Variants in FRMD5 observed in about 807,000 individuals in gnomAD.
FRMD5 encodes the protein FERM domain-containing protein 5.
Under a neutral mutation model 69.0 loss-of-function variants are expected in FRMD5, and 20 were observed. The ratio of observed to expected loss-of-function variants is 0.29; its 90% CI spans 0.20 to 0.42. The LOEUF is 0.42. FRMD5 is among the 10% of genes least tolerant of loss of function. The pLI is 1.00. For synonymous variants in FRMD5, 271 were observed against 260.1 expected (o/e 1.04, Z -0.40); for missense variants, 595 against 708.6 (o/e 0.84, Z 1.82).
chr15:44,075,810 A>T (rs1235535524), intron 1 of FRMD5, among the ~76,000 whole-genome samples: 1 of 152,222 alleles, frequency 6.6e-6, no homozygotes, highest in African/African-American at 2.4e-5. Flanking sequence ...AGTCCCGACA[A>T]GCAGAGGAAA....
intron 1 of FRMD5, among the ~76,000 whole-genome samples, chr15:44,024,671 T>TAAA: frequency 6.6e-6 from 1 of 152,250 alleles, no homozygotes; most frequent in East Asian, 1.9e-4. Context: ...TGTGGAATTT[T>TAAA]AAAAACATAT....
intron 1 of FRMD5, among the ~76,000 whole-genome samples, chr15:44,032,268 A>G (rs1023321613): frequency 6.6e-6 from 1 of 152,238 alleles, no homozygotes; most frequent in Non-Finnish European, 1.5e-5. Flanking sequence ...AACCTAGGCA[A>G]TACCATCCTG....
At chr15:43,994,109 T>C (rs1011690882) in intron 1 of FRMD5, among the ~76,000 whole-genome samples, 26 of 152,232 alleles carry the variant, frequency 1.7e-4, no homozygotes, top group African/African-American at 2.4e-4. Flanking sequence ...GGACTTACTA[T>C]TGCCATTTTG....
rs1274291221 is a variant in FRMD5 at position 43,950,399 on chromosome 15, C to T, written c.103-26090G>A. 1.3e-5 allele frequency among the ~76,000 whole-genome samples: 2 copies of T among 152,154 alleles called. 1 individual carries two copies. The highest frequency in any genetic ancestry group is 4.8e-5 in the African/African-American group (2 of 41,424). ...GGTTTCATGCTTTAAAACACGCATTCACATAGACAAACAGCCATGCTTAAA... is the reference window on the plus strand; with the variant it reads ...GGTTTCATGCTTTAAAACACGCATTTACATAGACAAACAGCCATGCTTAAA... On this transcript the variant is annotated intron_variant, in intron 1 of 13. Coordinates refer to ENST00000417257, the MANE Select transcript of FRMD5 (RefSeq NM_032892.5).
chr15:43,888,906 T>C, intron 8 of FRMD5, 34 bp from the exon 9 acceptor site: 1 of 1,591,208 alleles, frequency 6.3e-7, no homozygotes, highest in Non-Finnish European at 8.6e-7. Context: ...GTCACCTCAT[T>C]GTGGGCTGCT....
Position 43,875,362 on chromosome 15 carries a change from AAATAT to A in FRMD5, c.1136-905_1136-901del, listed in dbSNP as rs1339184552. On this transcript the variant is annotated intron_variant, in intron 13 of 13. Transcript: ENST00000417257. ...AAAGACTGTCTCAAAAAAAAAAAAA[AAATAT>A]ATATATATATATATATATATATATA... is the stretch of plus-strand genomic sequence containing the variant. 4.3e-3 allele frequency among the ~76,000 whole-genome samples: 454 copies of A among 106,504 alleles called. 6 individuals are homozygous for A. The highest frequency in any genetic ancestry group is 0.015 in the African/African-American group (429 of 29,150). The allele number at this position is 106,504 out of a possible 152,430, so 69.9% of individuals were successfully genotyped here.
rs1221751663 is a variant in FRMD5 at position 43,874,532 on chromosome 15, G to GTGTT, written c.1136-74_1136-71dup. The GTGTT allele has an allele frequency of 8.7e-6, 10 of 1,144,036 alleles. No individual in the cohort carries two copies. The East Asian group carries it at 1.9e-4, about 22-fold the overall frequency. The allele number at this position is 1,144,036 out of a possible 1,614,324, so 70.9% of individuals were successfully genotyped here. A position where few individuals can be genotyped will look rare whatever the true frequency, so the allele number is the denominator to read the frequency against. ...CCTTTGCTTTCCAGTAGCACCCATT[G>GTGTT]TGTTTTATTGGGTACCATTCTGCAC... On this transcript the variant is annotated intron_variant, in intron 13 of 13. Coordinates refer to ENST00000417257, the MANE Select transcript of FRMD5 (RefSeq NM_032892.5).
At chr15:43,884,188 G>C (rs1360142846) in intron 12 of FRMD5, among the ~76,000 whole-genome samples, 1 of 152,148 alleles carries the variant, frequency 6.6e-6, no homozygotes, top group Non-Finnish European at 1.5e-5. Flanking sequence ...TGATGACAGG[G>C]CTCCATGTGA....
chr15:43,876,099 C>T (rs2140334925), intron 13 of FRMD5: 1 of 1,380,564 alleles, frequency 7.2e-7, no homozygotes, highest in Non-Finnish European at 1.0e-6. Context: ...CATGATTTTG[C>T]CATGTTTTTC....
At chr15:43,983,470 G>A (rs1057481271) in intron 1 of FRMD5, among the ~76,000 whole-genome samples, 1 of 151,970 alleles carries the variant, frequency 6.6e-6, no homozygotes, top group Admixed American at 6.6e-5. Flanking sequence ...TCCTTGATCT[G>A]GTTTCCTCAG....
chr15:43,880,046 G>C (rs965490962), intron 13 of FRMD5, among the ~76,000 whole-genome samples: 1 of 152,210 alleles, frequency 6.6e-6, no homozygotes, highest in Non-Finnish European at 1.5e-5. Context: ...AGGGGGCAGA[G>C]AACAATCCCA....
chr15:43,924,383 T>A, intron 1 of FRMD5, 74 bp from the exon 2 acceptor site: 1 of 1,048,886 alleles, frequency 9.5e-7, no homozygotes, highest in Non-Finnish European at 1.5e-6. Context: ...TTATAGCCAT[T>A]AAAAGTTGTT....
intron 1 of FRMD5, among the ~76,000 whole-genome samples, chr15:44,058,749 G>T (rs548495735): frequency 1.4e-5 from 2 of 144,340 alleles, no homozygotes; most frequent in South Asian, 4.4e-4. Flanking sequence ...TTGCGCCACT[G>T]CACTCCAGCC....
intron 2 of FRMD5, among the ~76,000 whole-genome samples, chr15:43,923,329 A>G (rs2089528935): frequency 6.6e-6 from 1 of 152,204 alleles, no homozygotes; most frequent in Non-Finnish European, 1.5e-5. Flanking sequence ...GAATGATGTA[A>G]TAAGTGCTAT....
At chr15:43,906,919 A>C (rs1351810298) in intron 5 of FRMD5, among the ~76,000 whole-genome samples, 2 of 152,160 alleles carry the variant, frequency 1.3e-5, no homozygotes, top group South Asian at 4.1e-4. Flanking sequence ...TCAAGTTCTA[A>C]GGCTCATTTC....
chr15:43,920,623 G>C (rs552265170), intron 2 of FRMD5, among the ~76,000 whole-genome samples: 1 of 152,188 alleles, frequency 6.6e-6, no homozygotes, highest in South Asian at 2.1e-4. Context: ...GTTGCTTTTT[G>C]CTAATCAAGA....
intron 1 of FRMD5, among the ~76,000 whole-genome samples, chr15:44,089,175 T>C (rs1391272232): frequency 3.3e-5 from 5 of 152,218 alleles, no homozygotes; most frequent in Non-Finnish European, 7.3e-5. Flanking sequence ...GATCTATCCA[T>C]GTTTCTCACA....
intron 1 of FRMD5, among the ~76,000 whole-genome samples, chr15:44,083,509 T>C (rs1894073996): frequency 1.3e-5 from 2 of 152,058 alleles, no homozygotes; most frequent in Non-Finnish European, 2.9e-5. Context: ...GCTTCACTAC[T>C]GGCTGATATA....
chr15:43,875,371 T>A (rs1215764222), intron 13 of FRMD5, among the ~76,000 whole-genome samples: 1,994 of 128,422 alleles, frequency 0.016, 30 homozygotes, highest in African/African-American at 0.023. Context: ...AAAATATATA[T>A]ATATATATAT....
Sources: gnomAD v4.1 joint callset for allele counts (sites outside exome capture counted in the v4.1 genomes callset) on GRCh38, gnomAD v4.1.1 for gene constraint, MANE v1.5 for transcripts, NCBI Gene and HGNC (gene_info 2026-07-23, HGNC 2026-07-21) for gene names.